DRC11: variants seen among roughly 807,000 people sequenced by gnomAD.
The protein encoded by DRC11 is IQ and AAA domain-containing protein 1.
the DRC11 span, among the ~76,000 whole-genome samples, chr2:236,406,419 G>T: frequency 6.6e-6 from 1 of 152,172 alleles, no homozygotes; most frequent in Admixed American, 6.5e-5. This position sits in a 1 kb window ranked among gnomAD's most constrained non-coding sequence, Gnocchi z 4.7. Flanking sequence ...TAGGGCTGTG[G>T]AAAAATTCAA....
chr2:236,377,230 A>C, the DRC11 span: 2,066 of 1,218,622 alleles, frequency 1.7e-3, 53 homozygotes, highest in South Asian at 0.024. The surrounding 1 kb of genome is among the most constrained non-coding windows in gnomAD (Gnocchi z 4.9). Context: ...CACACACAGA[A>C]ATCGGCGGTA....
At chr2:236,447,831 C>A in the DRC11 span, among the ~76,000 whole-genome samples, 25 of 132,100 alleles carry the variant, frequency 1.9e-4, no homozygotes, top group African/African-American at 6.7e-4. The surrounding 1 kb of genome is among the most constrained non-coding windows in gnomAD (Gnocchi z 4.6). Flanking sequence ...ATCGAGGAGT[C>A]GGCTTGGACC....
chr2:236,402,955 C>G, the DRC11 span, among the ~76,000 whole-genome samples: 1 of 152,212 alleles, frequency 6.6e-6, no homozygotes, highest in Non-Finnish European at 1.5e-5. This position sits in a 1 kb window ranked among gnomAD's most constrained non-coding sequence, Gnocchi z 6.0. Context: ...CTGTCTGTCT[C>G]TCTCTTTCCA....
chr2:236,348,421 G>A, the DRC11 span, among the ~76,000 whole-genome samples: 7 of 152,190 alleles, frequency 4.6e-5, no homozygotes, highest in Admixed American at 1.3e-4. The surrounding 1 kb of genome is among the most constrained non-coding windows in gnomAD (Gnocchi z 7.4). Flanking sequence ...GGTCCGGTCC[G>A]AACAGGGTCA....
chr2:236,470,797 T>C, the DRC11 span, among the ~76,000 whole-genome samples: 1 of 152,156 alleles, frequency 6.6e-6, no homozygotes, highest in African/African-American at 2.4e-5. This position sits in a 1 kb window ranked among gnomAD's most constrained non-coding sequence, Gnocchi z 5.1. Flanking sequence ...GGTAAATCTT[T>C]ATCTCAGATG....
the DRC11 span, among the ~76,000 whole-genome samples, chr2:236,491,201 TATATATATATACAC>T: frequency 1.6e-5 from 1 of 61,586 alleles, no homozygotes; most frequent in African/African-American, 7.1e-5. Flanking sequence ...TATATATATA[TATATATATATACAC>T]ACAGTATATA....
At chr2:236,425,174 TACTC>T in the DRC11 span, among the ~76,000 whole-genome samples, 1 of 152,030 alleles carries the variant, frequency 6.6e-6, no homozygotes, top group African/African-American at 2.4e-5. Context: ...TTTGGATACA[TACTC>T]AGTAGTGGGA....
At chr2:236,421,268 C>T in the DRC11 span, among the ~76,000 whole-genome samples, 1,277 of 152,034 alleles carry the variant, frequency 8.4e-3, 9 homozygotes, top group Non-Finnish European at 0.011. Flanking sequence ...AATGAATCCA[C>T]GAGCTGGTTT....
At chr2:236,398,817 G>C in the DRC11 span, among the ~76,000 whole-genome samples, 2 of 152,124 alleles carry the variant, frequency 1.3e-5, no homozygotes, top group South Asian at 2.1e-4. This position sits in a 1 kb window ranked among gnomAD's most constrained non-coding sequence, Gnocchi z 6.2. Flanking sequence ...TACACATACA[G>C]TATCAATTTT....
the DRC11 span, chr2:236,392,297 C>G: frequency 1.3e-6 from 2 of 1,599,750 alleles, no homozygotes; most frequent in Non-Finnish European, 1.7e-6. This position sits in a 1 kb window ranked among gnomAD's most constrained non-coding sequence, Gnocchi z 5.1. Context: ...TTGATCAGTT[C>G]TGGATCATAG....
the DRC11 span, among the ~76,000 whole-genome samples, chr2:236,469,867 A>G: frequency 6.6e-6 from 1 of 152,238 alleles, no homozygotes; most frequent in Non-Finnish European, 1.5e-5. This position sits in a 1 kb window ranked among gnomAD's most constrained non-coding sequence, Gnocchi z 5.8. Flanking sequence ...AGAACACGAT[A>G]GTATGCTATA....
the DRC11 span, among the ~76,000 whole-genome samples, chr2:236,423,528 G>A: frequency 1.6e-3 from 248 of 152,226 alleles, 1 homozygote; most frequent in Middle Eastern, 6.8e-3. Context: ...TTAGAATGGC[G>A]ATCACTAAAA....
chr2:236,347,006 C>T, the DRC11 span, among the ~76,000 whole-genome samples: 1 of 152,228 alleles, frequency 6.6e-6, no homozygotes, highest in Non-Finnish European at 1.5e-5. Context: ...CTCCCAAGTG[C>T]TGGCAGGCCA....
chr2:236,495,457 C>T, the DRC11 span, among the ~76,000 whole-genome samples: 2 of 152,184 alleles, frequency 1.3e-5, no homozygotes, highest in Admixed American at 6.5e-5. This position sits in a 1 kb window ranked among gnomAD's most constrained non-coding sequence, Gnocchi z 5.6. Flanking sequence ...GTTTCATGTC[C>T]ATCCCTGAAA....
chr2:236,452,379 T>TGTAAGTAAGTAAG, the DRC11 span, among the ~76,000 whole-genome samples: 3 of 152,186 alleles, frequency 2.0e-5, no homozygotes, highest in Non-Finnish European at 4.4e-5. This position sits in a 1 kb window ranked among gnomAD's most constrained non-coding sequence, Gnocchi z 4.7. Flanking sequence ...CTGTGTTTCA[T>TGTAAGTAAGTAAG]CAAGTATGAA....
At chr2:236,307,525 A>T in the DRC11 span, among the ~76,000 whole-genome samples, 1 of 152,134 alleles carries the variant, frequency 6.6e-6, no homozygotes, top group Non-Finnish European at 1.5e-5. This position sits in a 1 kb window ranked among gnomAD's most constrained non-coding sequence, Gnocchi z 7.0. Context: ...GCCCCCTTGC[A>T]GTTAGAAGGC....
the DRC11 span, chr2:236,399,569 G>A: frequency 8.6e-7 from 1 of 1,164,798 alleles, no homozygotes; most frequent in Admixed American, 1.7e-5. The surrounding 1 kb of genome is among the most constrained non-coding windows in gnomAD (Gnocchi z 7.0). Flanking sequence ...ACCGTGACGA[G>A]GGTCCATGCC....
At chr2:236,331,542 A>T in the DRC11 span, 17 of 1,614,032 alleles carry the variant, frequency 1.1e-5, no homozygotes, top group Admixed American at 1.7e-5. The surrounding 1 kb of genome is among the most constrained non-coding windows in gnomAD (Gnocchi z 4.8). Context: ...GGCAGCTGAC[A>T]TTCAAGGCAC....
the DRC11 span, among the ~76,000 whole-genome samples, chr2:236,404,520 T>C: frequency 4.6e-5 from 7 of 152,276 alleles, no homozygotes; most frequent in East Asian, 1.4e-3. Context: ...CTGTGGACTG[T>C]TCTAGCTACC....
Sources: allele counts gnomAD v4.1 joint callset (sites outside exome capture counted in the v4.1 genomes callset), GRCh38; gene constraint gnomAD v4.1.1; non-coding constraint Gnocchi (gnomAD v3.1); transcripts MANE v1.5; gene names NCBI Gene and HGNC (gene_info 2026-07-23, HGNC 2026-07-21).